Variants in B3GALT1 observed in about 807,000 individuals in gnomAD.
B3GALT1 encodes UDP-Gal:betaGlcNAc beta 1,3-galactosyltransferase, polypeptide 1.
A neutral mutation model predicts 23.2 loss-of-function variants in B3GALT1; 10 were observed. The observed-to-expected ratio is 0.43, with a 90% CI of 0.27 to 0.73. B3GALT1 has a LOEUF of 0.73. Among genes scored for constraint, B3GALT1 ranks in the 30% least tolerant of loss-of-function variants. The pLI is 0.21. For synonymous variants in B3GALT1, 156 were observed against 141.5 expected, an observed-to-expected ratio of 1.10 and a Z score of -0.73; for missense variants, 299 against 405.4, an observed-to-expected ratio of 0.74 and a Z score of 2.25.
chr2:167,672,037 TC>T lies in B3GALT1; in HGVS notation c.-352+25073del, dbSNP rs201269860. On this transcript the variant is annotated intron_variant, in intron 3 of 4. Coordinates refer to ENST00000392690, the MANE Select transcript of B3GALT1 (RefSeq NM_020981.4). ...GATAAACTAGAAGAAATGGATAAAT[TC>T]CTGGAAACACAGTATTGTCACTGTT... is the stretch of plus-strand genomic sequence containing the variant. Among the ~76,000 whole-genome samples, 468 of 152,294 alleles carry T rather than the reference TC, an allele frequency of 3.1e-3. 4 individuals are homozygous for T. The highest frequency in any genetic ancestry group is 0.011 in the African/African-American group (437 of 41,570).
At chr2:167,514,645 A>G (rs931039333) in intron 2 of B3GALT1, among the ~76,000 whole-genome samples, 3 of 152,210 alleles carry the variant, frequency 2.0e-5, no homozygotes, top group African/African-American at 4.8e-5. Flanking sequence ...CTAAAGTTTA[A>G]TACAGTTTTA....
At chr2:167,708,490 G>A (rs979770354) in intron 3 of B3GALT1, among the ~76,000 whole-genome samples, 8 of 151,998 alleles carry the variant, frequency 5.3e-5, no homozygotes, top group African/African-American at 1.7e-4. Context: ...GAGAAACCCC[G>A]TCTCTACTAA....
intron 2 of B3GALT1, among the ~76,000 whole-genome samples, chr2:167,609,342 T>G (rs1483144634): frequency 1.3e-5 from 2 of 152,152 alleles, no homozygotes; most frequent in Non-Finnish European, 2.9e-5. Context: ...ACCAGTAATG[T>G]GGAGAAATTG....
rs543903735 is a variant in B3GALT1 at position 167,647,220 on chromosome 2, G to A, written c.-352+254G>A. Among the ~76,000 whole-genome samples, 5 of 152,288 alleles carry A rather than the reference G, an allele frequency of 3.3e-5. No homozygotes were observed. In the South Asian group the frequency reaches 1.0e-3, roughly 32 times the overall value. ...CACAATGAGGCTAGTAGGGACCCCAGATGCATGTATGCACAAATTTTCCTG... is the reference window on the plus strand; with the variant it reads ...CACAATGAGGCTAGTAGGGACCCCAAATGCATGTATGCACAAATTTTCCTG... On this transcript the variant is annotated intron_variant, in intron 3 of 4. Coordinates refer to ENST00000392690, the MANE Select transcript of B3GALT1 (RefSeq NM_020981.4).
At chr2:167,674,260 T>C (rs545590499) in intron 3 of B3GALT1, among the ~76,000 whole-genome samples, 83 of 152,296 alleles carry the variant, frequency 5.4e-4, no homozygotes, top group Non-Finnish European at 7.9e-4. Flanking sequence ...ATTAGAGTTA[T>C]AAAGCAAGAA....
Position 167,869,393 on chromosome 2 carries a change from G to A in B3GALT1, c.354G>A (p.Leu118=), listed in dbSNP as rs140091787. The change falls in exon 5 of 5, where the codon CTG becomes CTA. Residue 118 remains leucine, a synonymous_variant. Coordinates refer to ENST00000392690, the MANE Select transcript of B3GALT1 (RefSeq NM_020981.4). The surrounding 1 kb of genome is among the most constrained non-coding windows in gnomAD (Gnocchi z 6.4). ...TCAAGATAGCCACCCTGTTCCTCCT[G>A]GGCAAGAATGCTGATCCTGTTCTCA... is the stretch of plus-strand genomic sequence containing the variant. ...KGIKIATLFL[L]GKNADPVLNQ... The A allele has an allele frequency of 1.7e-5, 27 of 1,613,972 alleles. No homozygotes were observed. Among genetic ancestry groups the A allele is most frequent in the Non-Finnish European group, 2.5e-6 (3 of 1,180,036 alleles).
At chr2:167,659,149 T>A (rs1310037337) in intron 3 of B3GALT1, among the ~76,000 whole-genome samples, 1 of 151,846 alleles carries the variant, frequency 6.6e-6, no homozygotes, top group African/African-American at 2.4e-5. Context: ...CTCAGAGATA[T>A]AAACAAGATA....
chr2:167,776,282 T>C (rs1200968154), intron 3 of B3GALT1, among the ~76,000 whole-genome samples: 1 of 152,144 alleles, frequency 6.6e-6, no homozygotes, highest in Non-Finnish European at 1.5e-5. Context: ...GTGAGGAAAC[T>C]TCCACACTAT....
In B3GALT1 at chr2:167,873,113, A is replaced by G. The variant is rs1399974915; in HGVS notation, c.*3093A>G. The G allele has an allele frequency of 1.3e-5, 2 of 152,228 alleles. No homozygotes were observed. The highest frequency in any genetic ancestry group is 2.1e-4 in the South Asian group (1 of 4,834). 9.4% of individuals were successfully genotyped at this position (152,228 alleles called of 1,614,324 possible). A position where few individuals can be genotyped will look rare whatever the true frequency, so the allele number is the denominator to read the frequency against. ...TCTTATCATTTCCCTGACATAAAAT[A>G]TGCAATGTTTTAGACAGTATTCTAC... On this transcript the variant is annotated 3_prime_UTR_variant, in exon 5 of 5. Transcript: ENST00000392690.
At chr2:167,683,449 C>T (rs1686569008) in intron 3 of B3GALT1, among the ~76,000 whole-genome samples, 1 of 152,158 alleles carries the variant, frequency 6.6e-6, no homozygotes, top group African/African-American at 2.4e-5. Flanking sequence ...ATCCAAGGGG[C>T]CAGGCACAGT....
intron 3 of B3GALT1, among the ~76,000 whole-genome samples, chr2:167,729,626 A>T (rs116832390): frequency 0.028 from 4,276 of 152,206 alleles, 88 homozygotes; most frequent in South Asian, 0.05. Context: ...TTAAATCTTT[A>T]ATAAAGTCTG....
At chr2:167,369,911 G>A (rs940606799) in intron 1 of B3GALT1, among the ~76,000 whole-genome samples, 3 of 151,978 alleles carry the variant, frequency 2.0e-5, no homozygotes, top group Non-Finnish European at 4.4e-5. Flanking sequence ...TATTTATTTA[G>A]GAAGGTGCTA....
At chr2:167,599,026 C>A (rs574590904) in intron 2 of B3GALT1, among the ~76,000 whole-genome samples, 1 of 152,278 alleles carries the variant, frequency 6.6e-6, no homozygotes, top group African/African-American at 2.4e-5. Flanking sequence ...GAGAGATCAT[C>A]TGGTCCAAAC....
At chr2:167,703,997 C>CAT (rs937082883) in intron 3 of B3GALT1, among the ~76,000 whole-genome samples, 3 of 151,470 alleles carry the variant, frequency 2.0e-5, no homozygotes, top group Non-Finnish European at 2.9e-5. Flanking sequence ...CTGGCTAACA[C>CAT]GGTGAAACCC....
intron 3 of B3GALT1, among the ~76,000 whole-genome samples, chr2:167,801,562 G>C (rs1444135213): frequency 6.6e-6 from 1 of 152,140 alleles, no homozygotes; most frequent in Non-Finnish European, 1.5e-5. Context: ...ATTCAAGACT[G>C]TACTATGACT....
chr2:167,306,992 A>ATAT (rs1696561896), intron 1 of B3GALT1, among the ~76,000 whole-genome samples: 1 of 152,050 alleles, frequency 6.6e-6, no homozygotes. Context: ...ATTTTGTAAA[A>ATAT]GTTTACCCAA....
Position 167,610,910 on chromosome 2 carries a change from CAAAAA to C in B3GALT1, c.-409-35986_-409-35982del, listed in dbSNP as rs67057122. On this transcript the variant is annotated intron_variant, in intron 2 of 4. Transcript: ENST00000392690. ...AAATTCTCTTCCTGGTTTATTTGTA[CAAAAA>C]AAAAAAAAAAAAGAGAGAGAGAGAG... Among the ~76,000 whole-genome samples, 63 of 91,966 alleles carry C rather than the reference CAAAAA, an allele frequency of 6.9e-4. 1 individual carries two copies. The highest frequency in any genetic ancestry group is 2.6e-3 in the African/African-American group (59 of 23,058). 60.3% of individuals were successfully genotyped at this position (91,966 alleles called of 152,430 possible).
At chr2:167,660,776 C>G (rs1005881852) in intron 3 of B3GALT1, among the ~76,000 whole-genome samples, 1 of 152,032 alleles carries the variant, frequency 6.6e-6, no homozygotes, top group East Asian at 1.9e-4. Flanking sequence ...GCTTATCAAA[C>G]GATTTTCACA....
At chr2:167,844,828 G>A (rs1689722560) in intron 4 of B3GALT1, among the ~76,000 whole-genome samples, 1 of 152,186 alleles carries the variant, frequency 6.6e-6, no homozygotes, top group Non-Finnish European at 1.5e-5. Context: ...TTTCCCAGCT[G>A]GGAGGCAGGT....
Sources: allele counts gnomAD v4.1 joint callset (sites outside exome capture counted in the v4.1 genomes callset), GRCh38; gene constraint gnomAD v4.1.1; non-coding constraint Gnocchi (gnomAD v3.1); transcripts MANE v1.5; gene names NCBI Gene and HGNC (gene_info 2026-07-23, HGNC 2026-07-21).